F5: variants seen among roughly 807,000 people sequenced by gnomAD.
The protein encoded by F5 is activated protein c cofactor.
F5 carries 138 observed loss-of-function variants against 216.4 expected under a neutral mutation model. The ratio of observed to expected loss-of-function variants is 0.64; its 90% CI spans 0.56 to 0.73. The LOEUF (loss-of-function observed/expected upper bound fraction) is 0.73. F5 is among the 30% of genes least tolerant of loss of function. F5 has a pLI of 0.00. For missense variants in F5, 2,403 were observed against 2,674.0 expected, an observed-to-expected ratio of 0.90 and a Z score of 2.24; for synonymous variants, 916 against 930.7, an observed-to-expected ratio of 0.98 and a Z score of 0.29.
intron 7 of F5, among the ~76,000 whole-genome samples, chr1:169,554,538 G>A (rs574809748): frequency 1.3e-5 from 2 of 152,340 alleles, no homozygotes; most frequent in Admixed American, 1.3e-4. Flanking sequence ...TTTCACCTGT[G>A]AACAAGTGTA....
chr1:169,519,696 T>C (rs1450735264), intron 22 of F5, among the ~76,000 whole-genome samples: 1 of 152,140 alleles, frequency 6.6e-6, no homozygotes, highest in Admixed American at 6.5e-5. Flanking sequence ...CCACGGCAGG[T>C]TTCTAGTGCA....
intron 1 of F5, among the ~76,000 whole-genome samples, chr1:169,585,933 A>G (rs1661093649): frequency 1.3e-5 from 2 of 152,154 alleles, no homozygotes; most frequent in East Asian, 1.9e-4. Flanking sequence ...ATTAACCAAT[A>G]TATAAGCCAA....
rs759321210 is a variant in F5, at chr1:169,520,608, A to T, written c.6105T>A (p.Pro2035=). ...AGATCCTAATATATCTAGCCACAAT[A>T]GGTGGGTCAAACTGATTCTCTTTTA... The part of the protein sequence containing the change: ...STIKENQFDP[P]IVARYIRISP... The change falls in exon 22 of 25, where the codon CCT becomes CCA. Residue 2035 remains proline, a synonymous_variant. Transcript: ENST00000367797. 1 of 1,613,970 alleles carries T rather than the reference A, an allele frequency of 6.2e-7. No homozygotes were observed. Among genetic ancestry groups the T allele is most frequent in the South Asian group, 1.1e-5 (1 of 91,084 alleles).
chr1:169,554,685 T>C (rs73051173), intron 7 of F5, among the ~76,000 whole-genome samples: 5 of 152,248 alleles, frequency 3.3e-5, no homozygotes, highest in Non-Finnish European at 7.3e-5. Context: ...ATGATAGTTC[T>C]TTTTTCTCAC....
At chr1:169,557,614 G>A (rs1660362606) in intron 5 of F5, among the ~76,000 whole-genome samples, 2 of 151,866 alleles carry the variant, frequency 1.3e-5, no homozygotes, top group Admixed American at 1.3e-4. Flanking sequence ...ACAGTCACTG[G>A]GAAAATGCTC....
intron 19 of F5, among the ~76,000 whole-genome samples, chr1:169,524,298 C>T (rs894004630): frequency 6.6e-6 from 1 of 152,154 alleles, no homozygotes; most frequent in African/African-American, 2.4e-5. Flanking sequence ...AGGAGTTCCT[C>T]ACATATAGTG....
intron 1 of F5, among the ~76,000 whole-genome samples, 186 bp downstream of exon 1, chr1:169,586,043 C>T (rs919857526): frequency 4.0e-5 from 6 of 151,662 alleles, no homozygotes; most frequent in African/African-American, 1.5e-4. Context: ...GAATGATAAA[C>T]TACATTGTTG....
At position 169,559,159 on chromosome 1, in the gene F5, T is replaced by C. The variant is rs1191142747; in HGVS notation, c.724A>G (p.Met242Val). 1.2e-6 allele frequency: 2 copies of C among 1,613,694 alleles called. No homozygotes were observed. Among genetic ancestry groups the C allele is most frequent in the Non-Finnish European group, 1.7e-6 (2 of 1,179,776 alleles). ...TACACAGCCCTCGTGTTACCTGGCA[T>C]TGTCCCATTCACATATCCATTGACT... The part of the protein sequence containing the change: ...YTVNGYVNGT[M>V]PDITVCAHDH... The change falls in exon 5 of 25, where the codon ATG becomes GTG. Residue 242 changes from methionine (M) to valine (V), a missense_variant. This residue lies in a region of F5 where 1,425 missense variants were observed against 1,554.8 expected (regional missense o/e 0.92). Transcript: ENST00000367797.
chr1:169,576,872 G>A (rs1317840043), intron 2 of F5, among the ~76,000 whole-genome samples: 3 of 152,152 alleles, frequency 2.0e-5, no homozygotes, highest in Non-Finnish European at 4.4e-5. Context: ...GATGCCCAGA[G>A]AAAGTCTCCT....
At chr1:169,580,853 A>G (rs556261333) in intron 2 of F5, among the ~76,000 whole-genome samples, 33 of 152,298 alleles carry the variant, frequency 2.2e-4, no homozygotes, top group Non-Finnish European at 4.4e-4. Flanking sequence ...AGCAACAATA[A>G]CAATAATGTA....
At chr1:169,544,015 T>G (rs149549643) in intron 12 of F5, among the ~76,000 whole-genome samples, 5 of 152,324 alleles carry the variant, frequency 3.3e-5, no homozygotes, top group African/African-American at 1.2e-4. Context: ...GCCAAAATAT[T>G]TATGCTTCTT....
chr1:169,513,291 T>C lies in F5; in HGVS notation c.*1022A>G, dbSNP rs968404631. Among the ~76,000 whole-genome samples, 1 of 152,090 alleles carries C rather than the reference T, an allele frequency of 6.6e-6. No individual in the cohort carries two copies. Among genetic ancestry groups the C allele is most frequent in the Non-Finnish European group, 1.5e-5 (1 of 67,992 alleles). The stretch of plus-strand genomic sequence containing the variant: ...TTTTAACACTAAGTTTTGGGGTGGT[T>C]TATTTCAGACACCCCAAATGACTGT... On this transcript the variant is annotated 3_prime_UTR_variant, in exon 25 of 25. Transcript: ENST00000367797.
Position 169,577,593 on chromosome 1 carries a change from ATATATATATATG to A in F5, c.250+4826_250+4837del, listed in dbSNP as rs1446087879. 1.7e-3 allele frequency among the ~76,000 whole-genome samples: 175 copies of A among 105,756 alleles called. 5 individuals carry two copies. The highest frequency in any genetic ancestry group is 2.9e-3 in the South Asian group (11 of 3,828). The allele number at this position is 105,756 out of a possible 152,430, so 69.4% of individuals were successfully genotyped here. On this transcript the variant is annotated intron_variant, in intron 2 of 24. Transcript: ENST00000367797. The stretch of plus-strand genomic sequence containing the variant: ...TATATATATATATATATATATATAT[ATATATATATATG>A]TATGTATTTTTTTAAATAGAAACAG...
rs1270459662 is a variant in F5 at position 169,515,633 on chromosome 1, A to C, written c.6346-7T>G. 6.2e-7 allele frequency: 1 copy of C among 1,611,942 alleles called. No homozygotes were observed. The highest frequency in any genetic ancestry group is 2.2e-5 in the East Asian group (1 of 44,848). ...ACTGCTTATTGTTGTTTGCCTATGA[A>C]AATGACAAAAACACATAGATAAGGA... On this transcript the variant is annotated splice_region_variant and splice_polypyrimidine_tract_variant and intron_variant, in intron 23 of 24. Coordinates refer to ENST00000367797, the MANE Select transcript of F5 (RefSeq NM_000130.5).
At chr1:169,556,905 T>C (rs1660345610) in intron 5 of F5, 38 bp from the exon 6 acceptor site, 1 of 1,563,450 alleles carries the variant, frequency 6.4e-7, no homozygotes, top group South Asian at 1.1e-5. Context: ...AAATAAGCAT[T>C]CAGTCAAGTA....
In F5 at chr1:169,518,578, G is replaced by A. The variant is rs1342053656; in HGVS notation, c.6194-15C>T. The A allele has an allele frequency of 6.2e-7, 1 of 1,613,468 alleles. No homozygotes were observed. Among genetic ancestry groups the A allele is most frequent in the South Asian group, 1.1e-5 (1 of 91,052 alleles). ...TGTGGAACATCCTATCAAAAGAAAA[G>A]TAACGTGATTAATTACACACCAATA... On this transcript the variant is annotated splice_polypyrimidine_tract_variant and intron_variant, in intron 22 of 24. Coordinates refer to ENST00000367797, the MANE Select transcript of F5 (RefSeq NM_000130.5).
chr1:169,546,207 ACG>A (rs1659999135), intron 11 of F5, among the ~76,000 whole-genome samples: 2 of 146,878 alleles, frequency 1.4e-5, no homozygotes, highest in Non-Finnish European at 3.0e-5. Context: ...ACACACACAC[ACG>A]CTTGGAATAG....
intron 5 of F5, among the ~76,000 whole-genome samples, chr1:169,558,637 C>T (rs1241033043): frequency 2.6e-5 from 4 of 152,070 alleles, no homozygotes; most frequent in African/African-American, 4.8e-5. Flanking sequence ...TTTCTCTTAA[C>T]GATTGCTATG....
At chr1:169,535,264 A>G (rs1020665210) in intron 14 of F5, among the ~76,000 whole-genome samples, 1 of 152,088 alleles carries the variant, frequency 6.6e-6, no homozygotes, top group Middle Eastern at 3.2e-3. Flanking sequence ...TCAGTATTTG[A>G]TTTTTTTCCT....
Sources: allele counts gnomAD v4.1 joint callset (sites outside exome capture counted in the v4.1 genomes callset), GRCh38; gene constraint gnomAD v4.1.1; regional missense constraint gnomAD v4.1.1; transcripts MANE v1.5; gene names NCBI Gene and HGNC (gene_info 2026-07-23, HGNC 2026-07-21).